Variants in PCDHGB1 observed in about 807,000 individuals in gnomAD.
PCDHGB1 encodes the protein protocadherin gamma subfamily B, 1.
PCDHGB1 carries 34 observed loss-of-function variants against 56.6 expected under a neutral mutation model. The ratio of observed to expected loss-of-function variants is 0.60; its 90% CI spans 0.46 to 0.80. PCDHGB1 has a LOEUF of 0.80. Ranked by LOEUF, PCDHGB1 falls within the 30% of genes least tolerant of loss-of-function variation. The pLI is 0.00. For missense variants in PCDHGB1, 1,278 were observed against 1,204.6 expected (o/e 1.06, Z -0.90); for synonymous variants, 561 against 505.9 (o/e 1.11, Z -1.46).
intron 1 of PCDHGB1, among the ~76,000 whole-genome samples, chr5:141,437,983 A>G (rs544812394): frequency 4.6e-5 from 7 of 151,938 alleles, no homozygotes; most frequent in Admixed American, 2.6e-4. Context: ...GGATGCACCC[A>G]CCCCACCTCA....
rs1562129544 is a variant in PCDHGB1 at position 141,489,362 on chromosome 5, C to G, written c.2410-5445C>G. ...TACTCAGTGGTGGAGGAGTCTGAGC[C>G]GGGGACGCTGGTGGGGAATGTTGCT... On this transcript the variant is annotated intron_variant, in intron 1 of 3. Transcript: ENST00000523390. This position sits in a 1 kb window ranked among gnomAD's most constrained non-coding sequence, Gnocchi z 4.5. 6.2e-7 allele frequency: 1 copy of G among 1,613,052 alleles called. No individual in the cohort carries two copies. Among genetic ancestry groups the G allele is most frequent in the Non-Finnish European group, 8.5e-7 (1 of 1,179,268 alleles).
rs967535805 is a variant in PCDHGB1 at position 141,490,206 on chromosome 5, C to T, written c.2410-4601C>T. 2.4e-5 allele frequency: 38 copies of T among 1,614,050 alleles called. No homozygotes were observed. In the Admixed American group the frequency reaches 5.0e-4, roughly 21 times the overall value. ...GTTTCTATGAAATTCATGCAAGAGCCCGTGACCAGGGACAGCCTGCCATGG... is the reference window on the plus strand; with the variant it reads ...GTTTCTATGAAATTCATGCAAGAGCTCGTGACCAGGGACAGCCTGCCATGG... On this transcript the variant is annotated intron_variant, in intron 1 of 3. Coordinates refer to ENST00000523390, the MANE Select transcript of PCDHGB1 (RefSeq NM_018922.3). This position sits in a 1 kb window ranked among gnomAD's most constrained non-coding sequence, Gnocchi z 5.4.
At chr5:141,453,481 TA>T (rs1178324090) in intron 1 of PCDHGB1, among the ~76,000 whole-genome samples, 1 of 151,928 alleles carries the variant, frequency 6.6e-6, no homozygotes, top group Non-Finnish European at 1.5e-5. Context: ...TCAAAACTAT[TA>T]AAAAAAGGTG....
intron 1 of PCDHGB1, among the ~76,000 whole-genome samples, chr5:141,358,637 A>C (rs1422577510): frequency 6.6e-6 from 1 of 152,218 alleles, no homozygotes; most frequent in Non-Finnish European, 1.5e-5. Context: ...TCAGTCATAT[A>C]TAAGTAGATT....
chr5:141,509,825 C>A (rs1057042581), intron 3 of PCDHGB1, among the ~76,000 whole-genome samples: 18 of 152,222 alleles, frequency 1.2e-4, no homozygotes, highest in African/African-American at 1.2e-4. Context: ...TCTCCATCTT[C>A]TCTCTACCTC....
intron 1 of PCDHGB1, among the ~76,000 whole-genome samples, chr5:141,381,826 C>CTTCTTTTTTT (rs1777532522): frequency 3.1e-4 from 23 of 74,294 alleles, no homozygotes; most frequent in African/African-American, 1.4e-3. Context: ...CTTTCTTCTT[C>CTTCTTTTTTT]TTTTTTTTTT....
At chr5:141,382,916 G>A (rs1778572994) in intron 1 of PCDHGB1, 12 of 1,554,424 alleles carry the variant, frequency 7.7e-6, no homozygotes, top group Non-Finnish European at 9.6e-6. Flanking sequence ...GCTCAGCCGA[G>A]GGGCGGGGAC....
intron 1 of PCDHGB1, among the ~76,000 whole-genome samples, chr5:141,380,158 T>C (rs939673033): frequency 6.6e-6 from 1 of 151,976 alleles, no homozygotes; most frequent in Non-Finnish European, 1.5e-5. Flanking sequence ...CCTCAGCCTC[T>C]CAAAGGGCTG....
At chr5:141,494,772 G>C in intron 1 of PCDHGB1, 35 bp from the exon 2 acceptor site, 1 of 1,613,982 alleles carries the variant, frequency 6.2e-7, no homozygotes, top group Non-Finnish European at 8.5e-7. Context: ...ACTTCTCACG[G>C]GTACTCAGCC....
intron 1 of PCDHGB1, among the ~76,000 whole-genome samples, chr5:141,444,150 GGAT>G (rs2098419400): frequency 8.8e-6 from 1 of 114,014 alleles, no homozygotes; most frequent in African/African-American, 3.4e-5. Context: ...TGTGTGTACT[GGAT>G]TTTTTTTTTT....
intron 1 of PCDHGB1, chr5:141,393,991 A>C (rs2092893166): frequency 6.2e-7 from 1 of 1,613,604 alleles, no homozygotes; most frequent in East Asian, 2.2e-5. Flanking sequence ...TTACCTTTTA[A>C]ATTAGAAAAG....
intron 1 of PCDHGB1, chr5:141,375,222 G>T: frequency 6.2e-7 from 1 of 1,613,926 alleles, no homozygotes; most frequent in Non-Finnish European, 8.5e-7. Flanking sequence ...GGCCTGAATG[G>T]CCTGGTAACC....
chr5:141,366,594 A>ACC (rs746902775), intron 1 of PCDHGB1: 4 of 1,614,124 alleles, frequency 2.5e-6, no homozygotes, highest in Non-Finnish European at 3.4e-6. Context: ...ACCTATTCCC[A>ACC]CGAGGTCTCC....
chr5:141,432,173 G>C lies in PCDHGB1; in HGVS notation c.2410-62634G>C, dbSNP rs771177256. On this transcript the variant is annotated intron_variant, in intron 1 of 3. Transcript: ENST00000523390. This position sits in a 1 kb window ranked among gnomAD's most constrained non-coding sequence, Gnocchi z 6.0. ...GAACAATCCCAGAGGAGTTTCCCTC[G>C]TCTCTGTGACCGCCCACGACCCCGA... The C allele has an allele frequency of 3.1e-6, 5 of 1,614,054 alleles. No homozygotes were observed. Among genetic ancestry groups the C allele is most frequent in the South Asian group, 1.1e-5 (1 of 91,054 alleles).
At position 141,432,015 on chromosome 5, in the gene PCDHGB1, A is replaced by G. The variant is rs745405194; in HGVS notation, c.2410-62792A>G. 6.2e-7 allele frequency: 1 copy of G among 1,614,196 alleles called. No individual in the cohort carries two copies. Among genetic ancestry groups the G allele is most frequent in the Admixed American group, 1.7e-5 (1 of 60,032 alleles). On this transcript the variant is annotated intron_variant, in intron 1 of 3. Coordinates refer to ENST00000523390, the MANE Select transcript of PCDHGB1 (RefSeq NM_018922.3). The surrounding 1 kb of genome is among the most constrained non-coding windows in gnomAD (Gnocchi z 6.0). ...GATAGGGAACAGGTTCCTAGCTACA[A>G]CATCACAGTGACCGCCACTGACCGG...
Position 141,379,889 on chromosome 5 carries a change from C to CTTTTTTTTTTTTTTTTTTTTTTTTTTT in PCDHGB1, c.2409+27224_2409+27250dup, listed in dbSNP as rs70988800. Among the ~76,000 whole-genome samples the CTTTTTTTTTTTTTTTTTTTTTTTTTTT allele has an allele frequency of 2.4e-4, 12 of 50,832 alleles. 1 individual carries two copies. The highest frequency in any genetic ancestry group is 4.0e-4 in the African/African-American group (6 of 15,086). 33.3% of individuals were successfully genotyped at this position (50,832 alleles called of 152,430 possible). A position where few individuals can be genotyped will look rare whatever the true frequency, so the allele number is the denominator to read the frequency against. On this transcript the variant is annotated intron_variant, in intron 1 of 3. Coordinates refer to ENST00000523390, the MANE Select transcript of PCDHGB1 (RefSeq NM_018922.3). ...CTTATTTTATGGTCTGTGAAAGCCT[C>CTTTTTTTTTTTTTTTTTTTTTTTTTTT]TTTTTTTTTTTTTTTTTTTTTTTTT...
In PCDHGB1 at chr5:141,355,384, C is replaced by A. The variant is rs570057542; in HGVS notation, c.2409+2715C>A. The stretch of plus-strand genomic sequence containing the variant: ...GTTGGCGCCCCGGGAGCTGGCGGAG[C>A]GCGGAGTCCGCATCGTCTCCAGAGG... On this transcript the variant is annotated intron_variant, in intron 1 of 3. Transcript: ENST00000523390. 122 of 1,614,008 alleles carry A rather than the reference C, an allele frequency of 7.6e-5. 1 individual carries two copies. In the East Asian group the frequency reaches 2.7e-3, roughly 35 times the overall value.
intron 1 of PCDHGB1, chr5:141,417,624 G>A (rs2096138947): frequency 1.5e-6 from 1 of 672,584 alleles, no homozygotes; most frequent in Non-Finnish European, 2.4e-6. Flanking sequence ...CAGAGCAAGC[G>A]CTGACGCCGG....
intron 1 of PCDHGB1, among the ~76,000 whole-genome samples, chr5:141,386,754 C>T (rs1026748961): frequency 9.8e-5 from 15 of 152,302 alleles, no homozygotes; most frequent in Admixed American, 3.3e-4. Flanking sequence ...GGCAGAACTA[C>T]GGTTATAAGG....
Sources: gnomAD v4.1 joint callset for allele counts (sites outside exome capture counted in the v4.1 genomes callset) on GRCh38, gnomAD v4.1.1 for gene constraint, Gnocchi (gnomAD v3.1) non-coding constraint, MANE v1.5 for transcripts, NCBI Gene and HGNC (gene_info 2026-07-23, HGNC 2026-07-21) for gene names.